Variants in KCTD8 observed in about 807,000 individuals in gnomAD.
The protein encoded by KCTD8 is potassium channel tetramerization domain containing 8.
A neutral mutation model predicts 31.5 loss-of-function variants in KCTD8; 27 were observed. That is an observed-to-expected ratio of 0.86 (90% CI 0.63 to 1.18). The LOEUF (loss-of-function observed/expected upper bound fraction) is 1.18, where lower values mean the gene tolerates loss of function less well. KCTD8 is among the 50% of genes most tolerant of loss of function. The pLI is 0.00. For synonymous variants in KCTD8, 290 were observed against 280.0 expected (o/e 1.04, Z -0.36); for missense variants, 658 against 647.7 (o/e 1.02, Z -0.17).
intron 1 of KCTD8, among the ~76,000 whole-genome samples, chr4:44,442,951 C>T (rs1430321878): frequency 6.6e-6 from 1 of 151,888 alleles, no homozygotes; most frequent in Non-Finnish European, 1.5e-5. Context: ...CATAGCAATA[C>T]AAAAAAATAT....
At position 44,185,421 on chromosome 4, in the gene KCTD8, T is replaced by C. The variant is rs192124752; in HGVS notation, c.962-10171A>G. 2.0e-5 allele frequency among the ~76,000 whole-genome samples: 3 copies of C among 152,308 alleles called. No homozygotes were observed. The East Asian group carries it at 5.8e-4, about 29-fold the overall frequency. On this transcript the variant is annotated intron_variant, in intron 1 of 1. Coordinates refer to ENST00000360029, the MANE Select transcript of KCTD8 (RefSeq NM_198353.3). ...TAAATATATATTCCTAAAACCTAATTCCATTAAGTATATCCTTGTTCAAAA... is the reference window on the plus strand; with the variant it reads ...TAAATATATATTCCTAAAACCTAATCCCATTAAGTATATCCTTGTTCAAAA...
At chr4:44,240,766 C>T (rs146431378) in intron 1 of KCTD8, among the ~76,000 whole-genome samples, 103 of 152,274 alleles carry the variant, frequency 6.8e-4, no homozygotes, top group Non-Finnish European at 3.7e-4. Flanking sequence ...GCTCCTCAGA[C>T]TGAAATTGTT....
At chr4:44,314,090 GA>G (rs1718036213) in intron 1 of KCTD8, among the ~76,000 whole-genome samples, 1 of 152,196 alleles carries the variant, frequency 6.6e-6, no homozygotes, top group African/African-American at 2.4e-5. Context: ...AGGTCAAATA[GA>G]AAGGATTTAG....
At chr4:44,424,737 T>C (rs17461183) in intron 1 of KCTD8, among the ~76,000 whole-genome samples, 6,023 of 152,084 alleles carry the variant, frequency 0.04, 162 homozygotes, top group Non-Finnish European at 0.061. Context: ...TCTAAACACA[T>C]TGGACACGAT....
chr4:44,218,188 C>T (rs1424186455), intron 1 of KCTD8, among the ~76,000 whole-genome samples: 1 of 123,710 alleles, frequency 8.1e-6, no homozygotes, highest in African/African-American at 3.2e-5. Flanking sequence ...GGCTGGAGTA[C>T]GGTGGCGCAA....
intron 1 of KCTD8, among the ~76,000 whole-genome samples, chr4:44,250,783 G>A (rs913746464): frequency 6.6e-6 from 1 of 151,574 alleles, no homozygotes; most frequent in Non-Finnish European, 1.5e-5. Context: ...CATTTGCAGA[G>A]GTTTCTTTAT....
chr4:44,436,385 G>A (rs1409482430), intron 1 of KCTD8, among the ~76,000 whole-genome samples: 1 of 152,052 alleles, frequency 6.6e-6, no homozygotes, highest in Non-Finnish European at 1.5e-5. Context: ...GAGAAACAGA[G>A]ATGGATGGAG....
At chr4:44,409,533 A>C (rs564478465) in intron 1 of KCTD8, among the ~76,000 whole-genome samples, 1 of 152,310 alleles carries the variant, frequency 6.6e-6, no homozygotes, top group Non-Finnish European at 1.5e-5. Flanking sequence ...AAAGAAAGGC[A>C]TTCAGAAGCT....
At chr4:44,328,296 A>T (rs1718499768) in intron 1 of KCTD8, among the ~76,000 whole-genome samples, 1 of 151,986 alleles carries the variant, frequency 6.6e-6, no homozygotes, top group Non-Finnish European at 1.5e-5. Flanking sequence ...ATTTGTTGAC[A>T]GCATGGGTAA....
At chr4:44,349,085 C>T (rs1257211595) in intron 1 of KCTD8, among the ~76,000 whole-genome samples, 2 of 135,590 alleles carry the variant, frequency 1.5e-5, no homozygotes, top group Admixed American at 7.1e-5. Context: ...CCACCACCAC[C>T]ACCACCACCA....
intron 1 of KCTD8, among the ~76,000 whole-genome samples, chr4:44,424,910 C>T (rs1721308342): frequency 6.6e-6 from 1 of 151,898 alleles, no homozygotes; most frequent in Non-Finnish European, 1.5e-5. Flanking sequence ...TCGGTGACTC[C>T]AAATGGGACT....
chr4:44,177,180 A>G (rs962136811), intron 1 of KCTD8, among the ~76,000 whole-genome samples: 1 of 152,146 alleles, frequency 6.6e-6, no homozygotes, highest in Non-Finnish European at 1.5e-5. Context: ...CTCTGTCCAC[A>G]GTGGCTGATG....
At chr4:44,342,123 G>A (rs925665485) in intron 1 of KCTD8, among the ~76,000 whole-genome samples, 1 of 152,126 alleles carries the variant, frequency 6.6e-6, no homozygotes, top group Non-Finnish European at 1.5e-5. Flanking sequence ...TGTAATCCCA[G>A]CATTTTGGGA....
intron 1 of KCTD8, among the ~76,000 whole-genome samples, chr4:44,280,652 T>A (rs539894022): frequency 4.3e-4 from 65 of 152,084 alleles, no homozygotes; most frequent in Non-Finnish European, 7.1e-4. Context: ...TATGCAGCTC[T>A]CCTCCTAGCC....
At chr4:44,192,620 T>C (rs1186832248) in intron 1 of KCTD8, among the ~76,000 whole-genome samples, 1 of 152,202 alleles carries the variant, frequency 6.6e-6, no homozygotes, top group Non-Finnish European at 1.5e-5. Context: ...TCACTATGTG[T>C]CACCTTTTCC....
At position 44,275,156 on chromosome 4, in the gene KCTD8, G is replaced by A. The variant is rs535046902; in HGVS notation, c.962-99906C>T. ...TATCCTAAAAATGGAGTGTAGAAAT[G>A]AGACAGGGATCATATGGAAGATGTA... is the stretch of plus-strand genomic sequence containing the variant. On this transcript the variant is annotated intron_variant, in intron 1 of 1. Coordinates refer to ENST00000360029, the MANE Select transcript of KCTD8 (RefSeq NM_198353.3). Among the ~76,000 whole-genome samples, 4 of 151,990 alleles carry A rather than the reference G, an allele frequency of 2.6e-5. No homozygotes were observed. In the South Asian group the frequency reaches 8.3e-4, roughly 32 times the overall value.
chr4:44,264,782 T>G (rs1315452374), intron 1 of KCTD8, among the ~76,000 whole-genome samples: 4 of 152,144 alleles, frequency 2.6e-5, no homozygotes, highest in Non-Finnish European at 4.4e-5. Context: ...TCTTGCTGAT[T>G]GCTAGCTAGC....
intron 1 of KCTD8, among the ~76,000 whole-genome samples, chr4:44,256,614 A>C (rs1316066723): frequency 6.6e-6 from 1 of 151,944 alleles, no homozygotes; most frequent in Non-Finnish European, 1.5e-5. Flanking sequence ...ATTAAGGGTC[A>C]CAAGATGGGG....
At chr4:44,245,335 T>C (rs1393510782) in intron 1 of KCTD8, among the ~76,000 whole-genome samples, 2 of 152,008 alleles carry the variant, frequency 1.3e-5, no homozygotes, top group Non-Finnish European at 2.9e-5. Context: ...GAAAACACCA[T>C]ACTCAAAAGA....
Sources: gnomAD v4.1 joint callset for allele counts (sites outside exome capture counted in the v4.1 genomes callset) on GRCh38, gnomAD v4.1.1 for gene constraint, MANE v1.5 for transcripts, NCBI Gene and HGNC (gene_info 2026-07-23, HGNC 2026-07-21) for gene names.